Variants in SPRY3 observed in about 807,000 individuals in gnomAD.
SPRY3 encodes sprouty RTK signaling antagonist 3.
A neutral mutation model predicts 20.2 loss-of-function variants in SPRY3; 15 were observed. That is an observed-to-expected ratio of 0.74 (90% CI 0.50 to 1.14). The LOEUF is 1.14. Ranked by LOEUF, SPRY3 falls within the 50% of genes most tolerant of loss-of-function variation. The pLI is 0.00. For synonymous variants in SPRY3, 143 were observed against 136.5 expected, an observed-to-expected ratio of 1.05 and a Z score of -0.33; for missense variants, 364 against 363.9, an observed-to-expected ratio of 1.00 and a Z score of 0.00.
intron 2 of SPRY3, chrX:155,767,746 G>GAGGAGGAGAGGAGGAGT (rs2091348342): frequency 2.8e-5 from 4 of 142,314 alleles, no homozygotes; most frequent in Non-Finnish European, 4.6e-5. Context: ...GAGAGAGGAG[G>GAGGAGGAGAGGAGGAGT]AGGAGGAGAG....
At chrX:155,765,044 T>C (rs2091319325) in intron 2 of SPRY3, among the ~76,000 whole-genome samples, 1 of 152,130 alleles carries the variant, frequency 6.6e-6, no homozygotes, top group Non-Finnish European at 1.5e-5. Context: ...GGGGCCTCTT[T>C]TATAAGAGAA....
intron 2 of SPRY3, among the ~76,000 whole-genome samples, chrX:155,723,973 G>T (rs2091080549): frequency 6.6e-6 from 1 of 152,162 alleles, no homozygotes; most frequent in African/African-American, 2.4e-5. Context: ...AAGGTGTAAG[G>T]AAGGGATCCA....
At chrX:155,717,049 C>T (rs1436704344) in intron 2 of SPRY3, among the ~76,000 whole-genome samples, 15 of 138,460 alleles carry the variant, frequency 1.1e-4, no homozygotes, top group African/African-American at 3.7e-4. Flanking sequence ...TTCCCAGCTA[C>T]TCGGGAGGCT....
intron 2 of SPRY3, among the ~76,000 whole-genome samples, chrX:155,681,985 C>A (rs983448815): frequency 2.7e-5 from 3 of 112,576 alleles, no homozygotes; most frequent in African/African-American, 9.7e-5. Context: ...TTACACTAAG[C>A]AATAGATTTT....
chrX:155,731,052 G>A (rs1229839332), intron 2 of SPRY3, among the ~76,000 whole-genome samples: 6 of 152,034 alleles, frequency 3.9e-5, no homozygotes, highest in Admixed American at 3.9e-4. Context: ...TCATGGATTG[G>A]AAGAATCAAT....
At chrX:155,687,677 G>A (rs774431133) in intron 2 of SPRY3, among the ~76,000 whole-genome samples, 1 of 112,068 alleles carries the variant, frequency 8.9e-6, no homozygotes, top group East Asian at 2.8e-4. Context: ...ATGACTTTAA[G>A]TCCAGCAGAA....
chrX:155,714,792 T>G lies in SPRY3; in HGVS notation c.-281-53170T>G, dbSNP rs141422107. On this transcript the variant is annotated intron_variant, in intron 2 of 3. Coordinates refer to ENST00000675360, the Ensembl canonical transcript of SPRY3. ...GGCTAAGATGGCACTCAAACCACAA[T>G]ACAAAGTACTTCCTGCTCTTCCCCC... Among the ~76,000 whole-genome samples, 85 of 152,118 alleles carry G rather than the reference T, an allele frequency of 5.6e-4. 2 individuals are homozygous for G. The East Asian group carries it at 0.015, about 27-fold the overall frequency.
chrX:155,638,942 TC>T (rs1557351250), intron 1 of SPRY3, among the ~76,000 whole-genome samples: 2 of 111,120 alleles, frequency 1.8e-5, no homozygotes, highest in African/African-American at 6.5e-5. Context: ...TGAAAGATTG[TC>T]TTGGGTTGGC....
At chrX:155,774,954 C>CAG in exon 4 of SPRY3, 1 of 613,058 alleles carries the variant, frequency 1.6e-6, no homozygotes, top group East Asian at 2.8e-5. Context: ...GTCTTTACAC[C>CAG]CTGCCAGCTC....
intron 2 of SPRY3, among the ~76,000 whole-genome samples, chrX:155,691,790 C>T (rs2124574420): frequency 1.1e-5 from 1 of 87,785 alleles, no homozygotes; most frequent in African/African-American, 5.5e-5. Flanking sequence ...ATCTTAGGAA[C>T]ATTCCAGTTT....
At chrX:155,624,781 A>G (rs782784395) in intron 1 of SPRY3, among the ~76,000 whole-genome samples, 1 of 112,059 alleles carries the variant, frequency 8.9e-6, no homozygotes, top group East Asian at 2.8e-4. Flanking sequence ...GTCCAGGATA[A>G]TGAACTTAAT....
chrX:155,727,087 T>C (rs1186081751), intron 2 of SPRY3, among the ~76,000 whole-genome samples: 1 of 152,166 alleles, frequency 6.6e-6, no homozygotes, highest in African/African-American at 2.4e-5. Context: ...GATAAGAAAC[T>C]CTGGGTTGAA....
At chrX:155,723,732 T>C (rs1480740368) in intron 2 of SPRY3, among the ~76,000 whole-genome samples, 1 of 152,182 alleles carries the variant, frequency 6.6e-6, no homozygotes, top group Non-Finnish European at 1.5e-5. Flanking sequence ...ATTCTCTAGG[T>C]TGCCTGTTCA....
chrX:155,755,471 T>G (rs2091280471), intron 2 of SPRY3, among the ~76,000 whole-genome samples: 1 of 152,038 alleles, frequency 6.6e-6, no homozygotes, highest in Non-Finnish European at 1.5e-5. Context: ...AAATCTCATT[T>G]ATGCTATATA....
chrX:155,664,409 A>G (rs1161572391), intron 2 of SPRY3, among the ~76,000 whole-genome samples: 1 of 109,427 alleles, frequency 9.1e-6, no homozygotes, highest in Non-Finnish European at 1.9e-5. Flanking sequence ...AATAATGATC[A>G]TGACTATTTT....
intron 2 of SPRY3, among the ~76,000 whole-genome samples, chrX:155,664,106 T>A (rs2068017841): frequency 9.0e-6 from 1 of 110,501 alleles, no homozygotes; most frequent in African/African-American, 3.3e-5. Flanking sequence ...GCAACAAAAA[T>A]TACAAAGTGT....
At chrX:155,733,494 G>A (rs1478033486) in intron 2 of SPRY3, among the ~76,000 whole-genome samples, 3 of 151,656 alleles carry the variant, frequency 2.0e-5, no homozygotes, top group Non-Finnish European at 2.9e-5. Context: ...TAACAGATTT[G>A]CTGTCATCCT....
chrX:155,722,070 C>CT (rs2124554103), intron 2 of SPRY3, among the ~76,000 whole-genome samples: 1 of 152,108 alleles, frequency 6.6e-6, no homozygotes, highest in Admixed American at 6.5e-5. Context: ...AGCACGGGAA[C>CT]AAAGTTAAGG....
At chrX:155,776,347 C>T (rs1329741051) in exon 4 of SPRY3, 1 of 167,104 alleles carries the variant, frequency 6.0e-6, no homozygotes, top group Non-Finnish European at 1.5e-5. Context: ...ACACACTGTG[C>T]TTGCTCCTGG....
Sources: gnomAD v4.1 joint callset for allele counts (sites outside exome capture counted in the v4.1 genomes callset) on GRCh38, gnomAD v4.1.1 for gene constraint, MANE v1.5 for transcripts, NCBI Gene and HGNC (gene_info 2026-07-23, HGNC 2026-07-21) for gene names.